The following SMPDL3B variants were observed in gnomAD, a reference collection of about 807,000 sequenced individuals.
The protein encoded by SMPDL3B is acid sphingomyelinase-like phosphodiesterase 3b.
Under a neutral mutation model 37.9 loss-of-function variants are expected in SMPDL3B, and 31 were observed. That is an observed-to-expected ratio of 0.82 (90% CI 0.61 to 1.10). SMPDL3B has a LOEUF of 1.10. Among genes scored for constraint, SMPDL3B ranks in the 50% least tolerant of loss-of-function variants. The pLI is 0.00. For missense variants in SMPDL3B, 525 were observed against 597.8 expected (o/e 0.88, Z 1.27); for synonymous variants, 235 against 242.6 (o/e 0.97, Z 0.29).
chr1:27,957,596 A>AT (rs1305049416), intron 7 of SMPDL3B, among the ~76,000 whole-genome samples: 1 of 152,168 alleles, frequency 6.6e-6, no homozygotes, highest in African/African-American at 2.4e-5. Flanking sequence ...CAACGACTGC[A>AT]TGAGCTAACC....
intron 1 of SMPDL3B, among the ~76,000 whole-genome samples, chr1:27,940,802 A>C (rs908371233): frequency 6.6e-6 from 1 of 152,222 alleles, no homozygotes; most frequent in Non-Finnish European, 1.5e-5. Context: ...GCATCTGAAC[A>C]GTAACATTTG....
rs1261634060 is a variant in SMPDL3B, at chr1:27,945,958, C to A, written c.275+513C>A. Among the ~76,000 whole-genome samples the A allele has an allele frequency of 1.3e-5, 2 of 152,114 alleles. No individual in the cohort carries two copies. The highest frequency in any genetic ancestry group is 4.1e-4 in the South Asian group (2 of 4,824). On this transcript the variant is annotated intron_variant, in intron 2 of 7. Coordinates refer to ENST00000373894, the MANE Select transcript of SMPDL3B (RefSeq NM_014474.4). The surrounding 1 kb of genome is among the most constrained non-coding windows in gnomAD (Gnocchi z 4.0). ...CTCTACAGAGTGACAGCTTGAGGGC[C>A]GATCCCACTCAGCCGCAGAGACCCA... is the stretch of plus-strand genomic sequence containing the variant.
chr1:27,955,432 T>C (rs1240090930), intron 5 of SMPDL3B, among the ~76,000 whole-genome samples: 1 of 152,040 alleles, frequency 6.6e-6, no homozygotes, highest in East Asian at 1.9e-4. Flanking sequence ...CTCTTTGAAG[T>C]GTGGGGAGGA....
At position 27,945,553 on chromosome 1, in the gene SMPDL3B, C is replaced by T; in HGVS notation, c.275+108C>T. 4 of 914,504 alleles carry T rather than the reference C, an allele frequency of 4.4e-6. No homozygotes were observed. Among genetic ancestry groups the T allele is most frequent in the East Asian group, 5.3e-5 (2 of 38,064 alleles). 56.6% of individuals were successfully genotyped at this position (914,504 alleles called of 1,614,324 possible). On this transcript the variant is annotated intron_variant, in intron 2 of 7. Transcript: ENST00000373894. This position sits in a 1 kb window ranked among gnomAD's most constrained non-coding sequence, Gnocchi z 4.0. ...TCTCCCTTAATCCTCACATCAGTCT[C>T]ACGTGAGGCTGAGGAACCTAAAGCT...
rs1285447084 is a variant in SMPDL3B, at chr1:27,945,292, C to A, written c.122C>A (p.Pro41His). The change falls in exon 2 of 8, where the codon CCC becomes CAC. Residue 41 changes from proline (P) to histidine (H), a missense_variant. Coordinates refer to ENST00000373894, the MANE Select transcript of SMPDL3B (RefSeq NM_014474.4). The surrounding 1 kb of genome is among the most constrained non-coding windows in gnomAD (Gnocchi z 4.0). Reference sequence around the variant, plus strand: ...CCTGACTACAAGGTATCCAAAGACCCCTTCCAGGTGTGCCCATCAGCTGGA... The same window carrying A: ...CCTGACTACAAGGTATCCAAAGACCACTTCCAGGTGTGCCCATCAGCTGGA... ...LDPDYKVSKD[P>H]FQVCPSAGSQ... 3.1e-6 allele frequency: 5 copies of A among 1,614,194 alleles called. No individual in the cohort carries two copies. The Admixed American group carries it at 8.3e-5, about 27-fold the overall frequency.
At chr1:27,947,085 G>T (rs1434647692) in intron 2 of SMPDL3B, among the ~76,000 whole-genome samples, 4 of 150,190 alleles carry the variant, frequency 2.7e-5, no homozygotes, top group African/African-American at 9.8e-5. Flanking sequence ...TGCCCAGGCT[G>T]GAGTGCAATG....
intron 3 of SMPDL3B, among the ~76,000 whole-genome samples, chr1:27,949,713 G>A (rs1308262743): frequency 6.6e-6 from 1 of 152,122 alleles, no homozygotes; most frequent in African/African-American, 2.4e-5. Context: ...CCCATCTGAT[G>A]GCCCTTGCAA....
At chr1:27,937,722 G>A (rs1571644882) in intron 1 of SMPDL3B, among the ~76,000 whole-genome samples, 1 of 152,304 alleles carries the variant, frequency 6.6e-6, no homozygotes, top group East Asian at 1.9e-4. Flanking sequence ...CAGGGAATGA[G>A]TCCTAAGGCT....
intron 1 of SMPDL3B, among the ~76,000 whole-genome samples, chr1:27,944,178 T>G (rs1295789384): frequency 6.6e-6 from 1 of 151,920 alleles, no homozygotes; most frequent in Non-Finnish European, 1.5e-5. Context: ...TAGGTTTCGG[T>G]CAATCACCTC....
At chr1:27,955,466 G>A (rs547641240) in intron 5 of SMPDL3B, among the ~76,000 whole-genome samples, 2 of 152,274 alleles carry the variant, frequency 1.3e-5, no homozygotes, top group Admixed American at 6.5e-5. Flanking sequence ...AAAGGAGAAG[G>A]GTACTCCAGG....
intron 3 of SMPDL3B, among the ~76,000 whole-genome samples, chr1:27,951,791 A>G (rs1381720049): frequency 2.0e-5 from 3 of 152,204 alleles, no homozygotes; most frequent in Admixed American, 2.0e-4. Flanking sequence ...TGAGGTTACA[A>G]TGAGCTATGA....
At chr1:27,956,445 G>A in intron 7 of SMPDL3B, 1 of 1,271,538 alleles carries the variant, frequency 7.9e-7, no homozygotes, top group Non-Finnish European at 1.0e-6. Context: ...GCTCCCCAGT[G>A]CCTTCAAGAT....
At chr1:27,949,020 C>T in intron 2 of SMPDL3B, 45 bp from the exon 3 acceptor site, 2 of 1,613,768 alleles carry the variant, frequency 1.2e-6, no homozygotes, top group Non-Finnish European at 1.7e-6. Context: ...TCTTCTGCTG[C>T]TTCCTGAGTT....
chr1:27,935,391 C>T, intron 1 of SMPDL3B, 147 bp downstream of exon 1: 1 of 611,016 alleles, frequency 1.6e-6, no homozygotes, highest in Non-Finnish European at 2.9e-6. Flanking sequence ...AGCTAGTGGG[C>T]CTTAGCAAGT....
Position 27,953,363 on chromosome 1 carries a change from C to T in SMPDL3B, c.517+5C>T. ...CCATCGCTCTCTTCAAAAAAGGTAC[C>T]AACACCACCTGCTCCTATCAAGAGC... On this transcript the variant is annotated splice_donor_5th_base_variant and intron_variant, in intron 4 of 7. Coordinates refer to ENST00000373894, the MANE Select transcript of SMPDL3B (RefSeq NM_014474.4). 1.2e-6 allele frequency: 2 copies of T among 1,608,120 alleles called. No homozygotes were observed. The highest frequency in any genetic ancestry group is 1.7e-6 in the Non-Finnish European group (2 of 1,177,488).
intron 1 of SMPDL3B, among the ~76,000 whole-genome samples, chr1:27,943,793 AG>A (rs2090380064): frequency 6.6e-6 from 1 of 151,712 alleles, no homozygotes; most frequent in Non-Finnish European, 1.5e-5. Flanking sequence ...GAGGTCAAGG[AG>A]TTTGAGACCA....
chr1:27,950,329 C>T (rs910735621), intron 3 of SMPDL3B, among the ~76,000 whole-genome samples: 1 of 152,324 alleles, frequency 6.6e-6, no homozygotes, highest in African/African-American at 2.4e-5. Flanking sequence ...AGAAAAGGAA[C>T]CTGTGGCTCC....
At chr1:27,936,053 G>A (rs1012149860) in intron 1 of SMPDL3B, among the ~76,000 whole-genome samples, 3 of 152,152 alleles carry the variant, frequency 2.0e-5, no homozygotes, top group Non-Finnish European at 2.9e-5. Context: ...TTCTTTCCAC[G>A]TGCCTGTAGA....
rs2148680191 is a variant in SMPDL3B, at chr1:27,953,482, G to T, written c.517+124G>T. 12 of 877,502 alleles carry T rather than the reference G, an allele frequency of 1.4e-5. No homozygotes were observed. In the South Asian group the frequency reaches 2.1e-4, roughly 15 times the overall value. 54.4% of individuals were successfully genotyped at this position (877,502 alleles called of 1,614,324 possible). A position where few individuals can be genotyped will look rare whatever the true frequency, so the allele number is the denominator to read the frequency against. On this transcript the variant is annotated intron_variant, in intron 4 of 7. Transcript: ENST00000373894. Reference sequence around the variant, plus strand: ...CCCAATTTACAGATAAGGAAGCCAGGGTCATACAGCTTAGAAAAGGCAGTC... The same window carrying T: ...CCCAATTTACAGATAAGGAAGCCAGTGTCATACAGCTTAGAAAAGGCAGTC...
Sources: allele counts gnomAD v4.1 joint callset (sites outside exome capture counted in the v4.1 genomes callset), GRCh38; gene constraint gnomAD v4.1.1; non-coding constraint Gnocchi (gnomAD v3.1); transcripts MANE v1.5; gene names NCBI Gene and HGNC (gene_info 2026-07-23, HGNC 2026-07-21).